Variants in ANKS1B observed in about 807,000 individuals in gnomAD.
The protein encoded by ANKS1B is ankyrin repeat and sterile alpha motif domain containing 1B, also known as ankyrin repeat and sterile alpha motif domain-containing protein 1B.
ANKS1B carries 36 observed loss-of-function variants against 148.3 expected under a neutral mutation model. That is an observed-to-expected ratio of 0.24 (90% CI 0.19 to 0.32). ANKS1B has a LOEUF of 0.32. Ranked by LOEUF, ANKS1B falls within the 10% of genes least tolerant of loss-of-function variation. The probability of loss-of-function intolerance (pLI) is 1.00; values close to 1 mark genes in which losing one functional copy is unlikely to be tolerated. For synonymous variants in ANKS1B, 542 were observed against 560.8 expected (o/e 0.97, Z 0.47); for missense variants, 1,157 against 1,542.6 (o/e 0.75, Z 4.19).
At chr12:98,935,334 T>C (rs2099817557) in intron 17 of ANKS1B, among the ~76,000 whole-genome samples, 1 of 152,248 alleles carries the variant, frequency 6.6e-6, no homozygotes, top group Non-Finnish European at 1.5e-5. Context: ...CACTTGGTTA[T>C]GGTGTATGAT....
intron 9 of ANKS1B, among the ~76,000 whole-genome samples, chr12:99,654,021 G>A (rs1299136898): frequency 1.3e-5 from 2 of 152,062 alleles, no homozygotes; most frequent in Admixed American, 6.6e-5. Flanking sequence ...GCATCAAAAG[G>A]TTGAATCTCT....
intron 2 of ANKS1B, among the ~76,000 whole-genome samples, chr12:99,823,297 T>TCC (rs1366038610): frequency 1.3e-5 from 2 of 152,078 alleles, no homozygotes; most frequent in Non-Finnish European, 2.9e-5. Context: ...TGAAATTAGG[T>TCC]CCCACTTGTC....
chr12:99,930,221 G>C (rs1027311219), intron 1 of ANKS1B, among the ~76,000 whole-genome samples: 2 of 151,760 alleles, frequency 1.3e-5, no homozygotes, highest in African/African-American at 4.9e-5. Context: ...CACATCCCTT[G>C]TAAGTTGGAT....
At chr12:99,623,019 C>G (rs2098072612) in intron 9 of ANKS1B, among the ~76,000 whole-genome samples, 1 of 152,012 alleles carries the variant, frequency 6.6e-6, no homozygotes, top group African/African-American at 2.4e-5. Flanking sequence ...TACTAGCAAA[C>G]TGAATTCACC....
chr12:99,507,690 G>A (rs1244558840), intron 9 of ANKS1B, among the ~76,000 whole-genome samples: 1 of 151,820 alleles, frequency 6.6e-6, no homozygotes, highest in African/African-American at 2.4e-5. Flanking sequence ...TGAGGCCCCC[G>A]CGGGAAGGAG....
intron 1 of ANKS1B, among the ~76,000 whole-genome samples, chr12:99,974,083 C>A (rs1007725613): frequency 6.6e-6 from 1 of 152,174 alleles, no homozygotes; most frequent in Non-Finnish European, 1.5e-5. Flanking sequence ...TAAGAAATTG[C>A]CACAGCCATC....
chr12:99,751,994 A>G (rs1808172881), intron 8 of ANKS1B, among the ~76,000 whole-genome samples: 1 of 151,980 alleles, frequency 6.6e-6, no homozygotes, highest in African/African-American at 2.4e-5. Flanking sequence ...GGTGAAAGAG[A>G]GTTTGGTAAA....
At chr12:98,886,824 A>G (rs2099741151) in intron 17 of ANKS1B, among the ~76,000 whole-genome samples, 2 of 152,232 alleles carry the variant, frequency 1.3e-5, no homozygotes, top group Admixed American at 1.3e-4. Context: ...TGACATAAGA[A>G]TACAACGTTC....
intron 1 of ANKS1B, among the ~76,000 whole-genome samples, chr12:99,910,788 T>C (rs1037287127): frequency 6.8e-6 from 1 of 146,952 alleles, no homozygotes; most frequent in Non-Finnish European, 1.5e-5. Context: ...TGCATATATA[T>C]ACATACTCAT....
chr12:98,895,152 T>G, intron 17 of ANKS1B: 7 of 984,494 alleles, frequency 7.1e-6, no homozygotes, highest in Non-Finnish European at 8.4e-6. Flanking sequence ...GGACCCTCAC[T>G]GCGAGAGCGA....
chr12:98,809,030 C>T (rs2099073356), intron 19 of ANKS1B, among the ~76,000 whole-genome samples: 1 of 152,128 alleles, frequency 6.6e-6, no homozygotes, highest in Non-Finnish European at 1.5e-5. Flanking sequence ...AAACGCTCAC[C>T]AGCAATTTAA....
At chr12:99,895,733 G>A (rs941463715) in intron 1 of ANKS1B, among the ~76,000 whole-genome samples, 1 of 150,956 alleles carries the variant, frequency 6.6e-6, no homozygotes, top group Non-Finnish European at 1.5e-5. Context: ...CTCCCTCTAA[G>A]AAGGCCAAAA....
At chr12:99,383,694 C>G (rs2093735657) in intron 12 of ANKS1B, among the ~76,000 whole-genome samples, 1 of 152,014 alleles carries the variant, frequency 6.6e-6, no homozygotes, top group Admixed American at 6.6e-5. Flanking sequence ...TGTGTCCTTG[C>G]ATAACAGTCA....
chr12:99,965,118 C>T (rs1031973210), intron 1 of ANKS1B, among the ~76,000 whole-genome samples: 3 of 152,024 alleles, frequency 2.0e-5, no homozygotes, highest in Non-Finnish European at 4.4e-5. Flanking sequence ...CATAACAATA[C>T]CCAAATCTTA....
rs1771744885 is a variant in ANKS1B at position 99,507,721 on chromosome 12, G to A, written c.1273-3080C>T. On this transcript the variant is annotated intron_variant, in intron 9 of 26. Coordinates refer to ENST00000683438, the MANE Select transcript of ANKS1B (RefSeq NM_001352186.2). ...AGGAGTTGGTAAAAACGAAGATAGT[G>A]AAACAATGCTTTTGTAACCAAATAT... 2.0e-5 allele frequency among the ~76,000 whole-genome samples: 3 copies of A among 151,850 alleles called. No homozygotes were observed. The South Asian group carries it at 6.2e-4, about 32-fold the overall frequency.
intron 17 of ANKS1B, among the ~76,000 whole-genome samples, chr12:99,005,245 G>A (rs992683885): frequency 6.6e-6 from 1 of 152,212 alleles, no homozygotes; most frequent in Non-Finnish European, 1.5e-5. Context: ...CCACAGCCCA[G>A]TGCTGGGACT....
chr12:98,828,557 G>A (rs570190737), intron 19 of ANKS1B, among the ~76,000 whole-genome samples: 49 of 152,296 alleles, frequency 3.2e-4, no homozygotes, highest in African/African-American at 1.2e-3. Flanking sequence ...GCCACTGTTC[G>A]GTTAAGGCTG....
intron 1 of ANKS1B, among the ~76,000 whole-genome samples, chr12:99,943,764 A>C (rs2094980481): frequency 6.6e-6 from 1 of 152,074 alleles, no homozygotes; most frequent in Non-Finnish European, 1.5e-5. Context: ...CACAGCTGAA[A>C]CATATCACTG....
chr12:99,734,927 C>G (rs2059481454), intron 8 of ANKS1B, among the ~76,000 whole-genome samples: 1 of 152,064 alleles, frequency 6.6e-6, no homozygotes, highest in Non-Finnish European at 1.5e-5. Context: ...CCCTCCAGAC[C>G]CACCCTGCAC....
Sources: allele counts gnomAD v4.1 joint callset (sites outside exome capture counted in the v4.1 genomes callset), GRCh38; gene constraint gnomAD v4.1.1; transcripts MANE v1.5; gene names NCBI Gene and HGNC (gene_info 2026-07-23, HGNC 2026-07-21).